The following ARFGEF1 variants were observed in gnomAD, a reference collection of about 807,000 sequenced individuals.
ARFGEF1 encodes the protein brefeldin A-inhibited guanine nucleotide-exchange protein 1.
ARFGEF1 carries 42 observed loss-of-function variants against 231.0 expected under a neutral mutation model. The ratio of observed to expected loss-of-function variants is 0.18; its 90% CI spans 0.14 to 0.24. The LOEUF is 0.24. ARFGEF1 is among the 10% of genes least tolerant of loss of function. The probability of loss-of-function intolerance (pLI) is 1.00; values close to 1 mark genes in which losing one functional copy is unlikely to be tolerated. For missense variants in ARFGEF1, 1,345 were observed against 2,192.0 expected (o/e 0.61, Z 7.72); for synonymous variants, 710 against 732.3 (o/e 0.97, Z 0.49).
chr8:67,253,490 T>C lies in ARFGEF1; in HGVS notation c.2659A>G (p.Thr887Ala), dbSNP rs951483189. Reference protein sequence around the residue: ...IAGKKISMKETKELTIPTKSS... With the variant: ...IAGKKISMKEAKELTIPTKSS... ...TTTGTAGGGATTGTTAGTTCTTTTG[T>C]TTCTTTCATTGATATCTTTTTCCCA... Residue 887 changes from threonine (T) to alanine (A), a missense_variant, in exon 18 of 39, where the codon ACA becomes GCA. Thr to Ala is a moderately conservative substitution (Grantham distance 58, BLOSUM62 0). Coordinates refer to ENST00000262215, the MANE Select transcript of ARFGEF1 (RefSeq NM_006421.5). 8.9e-6 allele frequency: 14 copies of C among 1,579,982 alleles called. No individual in the cohort carries two copies. The highest frequency in any genetic ancestry group is 9.6e-6 in the Non-Finnish European group (11 of 1,151,752).
At chr8:67,318,269 G>GA (rs1332907418) in intron 1 of ARFGEF1, among the ~76,000 whole-genome samples, 11 of 135,560 alleles carry the variant, frequency 8.1e-5, no homozygotes, top group African/African-American at 2.7e-4. Flanking sequence ...GGCTAAAGAA[G>GA]AAAAAAATCA....
intron 1 of ARFGEF1, among the ~76,000 whole-genome samples, chr8:67,319,453 G>A (rs1286288803): frequency 7.0e-6 from 1 of 143,366 alleles, no homozygotes; most frequent in Admixed American, 7.1e-5. Flanking sequence ...ATTCAATGGA[G>A]AAAGGATAAT....
intron 1 of ARFGEF1, 57 bp downstream of exon 1, chr8:67,343,107 G>GGCCCCCCCC: frequency 2.3e-6 from 1 of 426,112 alleles, no homozygotes. Flanking sequence ...CCCCACAGGC[G>GGCCCCCCCC]CCCCCCTCCC....
At chr8:67,290,265 C>G (rs1805950617) in intron 6 of ARFGEF1, among the ~76,000 whole-genome samples, 1 of 152,154 alleles carries the variant, frequency 6.6e-6, no homozygotes, top group Non-Finnish European at 1.5e-5. Context: ...GCTTCCATTC[C>G]TTGGGTCTTA....
At chr8:67,217,132 C>G (rs1838965808) in intron 32 of ARFGEF1, among the ~76,000 whole-genome samples, 1 of 151,832 alleles carries the variant, frequency 6.6e-6, no homozygotes, top group Admixed American at 6.6e-5. Context: ...TGGAGAAACC[C>G]CATCTCAACT....
rs1587014889 is a variant in ARFGEF1 at position 67,198,478 on chromosome 8, A to G, written c.*456T>C. 3.0e-6 allele frequency: 3 copies of G among 989,236 alleles called. No individual in the cohort carries two copies. Among genetic ancestry groups the G allele is most frequent in the Admixed American group, 6.1e-5 (1 of 16,502 alleles). The allele number at this position is 989,236 out of a possible 1,614,324, so 61.3% of individuals were successfully genotyped here. ...AAAATCTTCAGAATAAGAATACCAT[A>G]GTTGCTAAATATCTTTTACCATGAA... On this transcript the variant is annotated 3_prime_UTR_variant, in exon 39 of 39. Transcript: ENST00000262215.
At chr8:67,180,009 G>A (rs1832637233) in intron 5 of ARFGEF1, 7 of 651,106 alleles carry the variant, frequency 1.1e-5, no homozygotes, top group Non-Finnish European at 1.8e-5. Context: ...TGTATTCCTT[G>A]TTGTACAAGG....
chr8:67,193,406 T>C, downstream of ARFGEF1: 1 of 1,517,628 alleles, frequency 6.6e-7, no homozygotes, highest in Non-Finnish European at 9.1e-7. Context: ...CCTGATTCAC[T>C]GATTTGTGAA....
At chr8:67,278,139 G>C (rs1305404047) in intron 7 of ARFGEF1, among the ~76,000 whole-genome samples, 1 of 152,050 alleles carries the variant, frequency 6.6e-6, no homozygotes, top group Non-Finnish European at 1.5e-5. Flanking sequence ...CCAAGTTCCA[G>C]AACTAATCTA....
chr8:67,316,978 T>A (rs1807347371), intron 1 of ARFGEF1, among the ~76,000 whole-genome samples: 1 of 152,180 alleles, frequency 6.6e-6, no homozygotes, highest in Non-Finnish European at 1.5e-5. Flanking sequence ...GGGAGGGGGC[T>A]GCAGTTCAGA....
Position 67,243,146 on chromosome 8 carries a change from A to C in ARFGEF1, c.2851-2856T>G, listed in dbSNP as rs555647801. ...AGACCACTAAGGTGATACCTCTATG[A>C]GTCTGCAAGAACTACAGAGTCTGCA... On this transcript the variant is annotated intron_variant, in intron 19 of 38. Coordinates refer to ENST00000262215, the MANE Select transcript of ARFGEF1 (RefSeq NM_006421.5). Among the ~76,000 whole-genome samples, 3 of 152,352 alleles carry C rather than the reference A, an allele frequency of 2.0e-5. No individual in the cohort carries two copies. In the East Asian group the frequency reaches 5.8e-4, roughly 29 times the overall value.
At position 67,311,255 on chromosome 8, in the gene ARFGEF1, G is replaced by A. The variant is rs1396322997; in HGVS notation, c.125-8789C>T. ...AGGGAGGTGGGGAGGTCAGCCCCCC[G>A]CCCGGCCAGCCGCCCCGTCCGGGAG... On this transcript the variant is annotated intron_variant, in intron 1 of 38. Coordinates refer to ENST00000262215, the MANE Select transcript of ARFGEF1 (RefSeq NM_006421.5). Among the ~76,000 whole-genome samples the A allele has an allele frequency of 4.5e-3, 562 of 126,064 alleles. 6 individuals carry two copies. Among genetic ancestry groups the A allele is most frequent in the African/African-American group, 0.015 (504 of 32,594 alleles). 82.7% of individuals were successfully genotyped at this position (126,064 alleles called of 152,430 possible).
chr8:67,295,863 G>C (rs1443107236), intron 5 of ARFGEF1, among the ~76,000 whole-genome samples: 2 of 152,100 alleles, frequency 1.3e-5, no homozygotes, highest in East Asian at 3.9e-4. Flanking sequence ...AAAAATTTTT[G>C]CAACTTTTCT....
intron 1 of ARFGEF1, among the ~76,000 whole-genome samples, chr8:67,306,781 T>C (rs1806765997): frequency 6.6e-6 from 1 of 152,218 alleles, no homozygotes; most frequent in Admixed American, 6.5e-5. Flanking sequence ...TTGTTTGTTT[T>C]GCTTTCCTTT....
At chr8:67,269,943 T>C (rs1805006850) in intron 10 of ARFGEF1, among the ~76,000 whole-genome samples, 2 of 152,132 alleles carry the variant, frequency 1.3e-5, no homozygotes, top group South Asian at 4.1e-4. Flanking sequence ...GAATTTATAT[T>C]TTACTGTCGG....
rs778467300 is a variant in ARFGEF1, at chr8:67,218,170, C to T, written c.4339-32G>A. On this transcript the variant is annotated intron_variant, in intron 30 of 38. Transcript: ENST00000262215. The stretch of plus-strand genomic sequence containing the variant: ...AAAAAAGTCATTAATGAACATCACG[C>T]CATTAATCAACTACTATGATTAAAA... The T allele has an allele frequency of 1.1e-5, 14 of 1,256,824 alleles. 1 individual carries two copies. The South Asian group carries it at 3.2e-4, about 29-fold the overall frequency. The allele number at this position is 1,256,824 out of a possible 1,614,324, so 77.9% of individuals were successfully genotyped here.
chr8:67,250,052 G>C (rs1840229077), intron 19 of ARFGEF1, among the ~76,000 whole-genome samples: 1 of 152,196 alleles, frequency 6.6e-6, no homozygotes, highest in Admixed American at 6.5e-5. Flanking sequence ...AAAGAATGCT[G>C]GTGTGAGTGC....
chr8:67,327,281 G>A (rs1290648133), intron 1 of ARFGEF1, among the ~76,000 whole-genome samples: 2 of 147,898 alleles, frequency 1.4e-5, no homozygotes, highest in Non-Finnish European at 3.0e-5. Flanking sequence ...ATTTGTAGAA[G>A]TTCTTCAGAA....
downstream of ARFGEF1, chr8:67,175,084 G>A (rs1831293067): frequency 3.9e-6 from 2 of 507,884 alleles, no homozygotes; most frequent in African/African-American, 3.9e-5. Context: ...ATGTTGGTAA[G>A]TTTGTGAAAA....
Sources: gnomAD v4.1 joint callset for allele counts (sites outside exome capture counted in the v4.1 genomes callset) on GRCh38, gnomAD v4.1.1 for gene constraint, MANE v1.5 for transcripts, NCBI Gene and HGNC (gene_info 2026-07-23, HGNC 2026-07-21) for gene names.